Variants in RXRA observed in about 807,000 individuals in gnomAD.
RXRA encodes retinoid X receptor alpha.
RXRA carries 5 observed loss-of-function variants against 44.5 expected under a neutral mutation model. The observed-to-expected ratio is 0.11, with a 90% CI of 0.06 to 0.24. The LOEUF is 0.24. Among genes scored for constraint, RXRA ranks in the 10% least tolerant of loss-of-function variants. The pLI is 1.00. For synonymous variants in RXRA, 291 were observed against 271.4 expected, an observed-to-expected ratio of 1.07 and a Z score of -0.71; for missense variants, 412 against 646.5, an observed-to-expected ratio of 0.64 and a Z score of 3.93.
chr9:134,327,656 T>G (rs1330284453), intron 1 of RXRA, among the ~76,000 whole-genome samples: 1 of 152,156 alleles, frequency 6.6e-6, no homozygotes, highest in Non-Finnish European at 1.5e-5. Flanking sequence ...CCACCCTCCC[T>G]GCAGCCTGGG....
At chr9:134,391,896 G>C (rs901755406) in intron 1 of RXRA, among the ~76,000 whole-genome samples, 51 of 152,230 alleles carry the variant, frequency 3.4e-4, no homozygotes, top group African/African-American at 1.1e-3. Context: ...CTGCAGGACG[G>C]GGGCAGGAGG....
intron 1 of RXRA, among the ~76,000 whole-genome samples, chr9:134,367,429 G>C (rs1830428072): frequency 6.6e-6 from 1 of 152,206 alleles, no homozygotes; most frequent in South Asian, 2.1e-4. Context: ...GTCTGCCTTG[G>C]GTTTCTCTTG....
At chr9:134,422,436 C>T in intron 6 of RXRA, 2 of 1,272,544 alleles carry the variant, frequency 1.6e-6, no homozygotes, top group Non-Finnish European at 2.0e-6. Context: ...ACGCTCCCCT[C>T]TCCCTAGACA....
chr9:134,440,103 ATC>A lies in RXRA; in HGVS notation c.*3491_*3492del, dbSNP rs900618187. Reference sequence around the variant, plus strand: ...GCATCTGGAAAGGTAAAAAAAAAAAATCTATTTTTGTACAAATGTAATTTTAT... The same window carrying A: ...GCATCTGGAAAGGTAAAAAAAAAAAATATTTTTGTACAAATGTAATTTTAT... On this transcript the variant is annotated 3_prime_UTR_variant, in exon 10 of 10. Coordinates refer to ENST00000481739, the MANE Select transcript of RXRA (RefSeq NM_002957.6). 11 of 152,224 alleles carry A rather than the reference ATC, an allele frequency of 7.2e-5. No homozygotes were observed. Among genetic ancestry groups the A allele is most frequent in the Non-Finnish European group, 1.3e-4 (9 of 68,022 alleles). 9.4% of individuals were successfully genotyped at this position (152,224 alleles called of 1,614,324 possible).
intron 1 of RXRA, among the ~76,000 whole-genome samples, chr9:134,397,135 A>G (rs1004690165): frequency 3.3e-5 from 5 of 152,088 alleles, no homozygotes; most frequent in African/African-American, 9.7e-5. Flanking sequence ...TCTGGAGGGA[A>G]CTGTGCAGCT....
chr9:134,341,997 A>G (rs953538502), intron 1 of RXRA, among the ~76,000 whole-genome samples: 1 of 152,064 alleles, frequency 6.6e-6, no homozygotes, highest in Admixed American at 6.5e-5. Flanking sequence ...GTGAAGCCCA[A>G]CCCTGGGGGT....
At position 134,434,439 on chromosome 9, in the gene RXRA, C is replaced by T. The variant is rs554829061; in HGVS notation, c.1241+232C>T. ...ACTGGAAGGATTACCTTGCACCTGGCGCATAGTAGGTGCTTCTCTTTGTTC... is the reference window on the plus strand; with the variant it reads ...ACTGGAAGGATTACCTTGCACCTGGTGCATAGTAGGTGCTTCTCTTTGTTC... On this transcript the variant is annotated intron_variant, in intron 9 of 9. Coordinates refer to ENST00000481739, the MANE Select transcript of RXRA (RefSeq NM_002957.6). Among the ~76,000 whole-genome samples the T allele has an allele frequency of 3.8e-4, 58 of 152,234 alleles. No homozygotes were observed. The East Asian group carries it at 9.5e-3, about 25-fold the overall frequency.
chr9:134,410,944 A>T (rs1831138858), intron 4 of RXRA, among the ~76,000 whole-genome samples: 1 of 152,194 alleles, frequency 6.6e-6, no homozygotes. Context: ...CCCAGGGGGC[A>T]GCCAGTGCAG....
intron 1 of RXRA, among the ~76,000 whole-genome samples, chr9:134,382,238 G>A (rs898979204): frequency 1.3e-5 from 2 of 152,060 alleles, no homozygotes; most frequent in Non-Finnish European, 2.9e-5. Flanking sequence ...GTGGCCGGCC[G>A]CATGTGGGGA....
intron 1 of RXRA, among the ~76,000 whole-genome samples, chr9:134,357,888 C>T (rs1193753641): frequency 6.6e-6 from 1 of 152,228 alleles, no homozygotes; most frequent in Non-Finnish European, 1.5e-5. Flanking sequence ...GCCATGGGGG[C>T]AGTCTACAGC....
chr9:134,339,137 C>T (rs1830050884), intron 1 of RXRA, among the ~76,000 whole-genome samples: 1 of 152,236 alleles, frequency 6.6e-6, no homozygotes, highest in Non-Finnish European at 1.5e-5. Flanking sequence ...GGGCTCAGGG[C>T]CCTGCCTCCC....
At chr9:134,383,054 T>C (rs1830669427) in intron 1 of RXRA, among the ~76,000 whole-genome samples, 1 of 152,160 alleles carries the variant, frequency 6.6e-6, no homozygotes, top group African/African-American at 2.4e-5. Context: ...CTGTGGGTGA[T>C]TGGGCAGATG....
In RXRA at chr9:134,426,460, AGGGACAG is replaced by A. The variant is rs1316679844; in HGVS notation, c.911-2636_911-2630del. The A allele has an allele frequency of 1.0e-6, 1 of 985,264 alleles. No homozygotes were observed. The highest frequency in any genetic ancestry group is 1.2e-6 in the Non-Finnish European group (1 of 829,924). The allele number at this position is 985,264 out of a possible 1,614,324, so 61.0% of individuals were successfully genotyped here. ...TAACCGAGTGAGGACATCGGGGTGG[AGGGACAG>A]GGGACAGGGGAGCTGAGATGCAGCC... On this transcript the variant is annotated intron_variant, in intron 6 of 9. Coordinates refer to ENST00000481739, the MANE Select transcript of RXRA (RefSeq NM_002957.6). This position sits in a 1 kb window ranked among gnomAD's most constrained non-coding sequence, Gnocchi z 4.6.
intron 7 of RXRA, among the ~76,000 whole-genome samples, chr9:134,430,901 C>T (rs962691982): frequency 3.3e-5 from 5 of 152,214 alleles, no homozygotes; most frequent in African/African-American, 9.7e-5. Context: ...CCCTCAGTGG[C>T]CCAGGTCTTT....
chr9:134,391,628 C>T (rs918183401), intron 1 of RXRA, among the ~76,000 whole-genome samples: 3 of 152,170 alleles, frequency 2.0e-5, no homozygotes, highest in African/African-American at 7.2e-5. Flanking sequence ...GGAGGCTGCG[C>T]TGCCCAGGAG....
At position 134,434,152 on chromosome 9, in the gene RXRA, G is replaced by A; in HGVS notation, c.1186G>A (p.Val396Ile). ...CGAGGTGGAGGCGCTGAGGGAGAAG[G>A]TCTATGCGTCCTTGGAGGCCTACTG... ...PAEVEALREK[V>I]YASLEAYCKH... Residue 396 changes from valine (V) to isoleucine (I), a missense_variant, in exon 9 of 10, where the codon GTC (valine) becomes ATC (isoleucine). Transcript: ENST00000481739. 3.1e-6 allele frequency: 5 copies of A among 1,613,810 alleles called. No homozygotes were observed. The highest frequency in any genetic ancestry group is 2.2e-5 in the South Asian group (2 of 91,076).
In RXRA at chr9:134,437,514, C is replaced by T. The variant is rs1421630708; in HGVS notation, c.*900C>T. 6.6e-6 allele frequency: 1 copy of T among 152,392 alleles called. No homozygotes were observed. Among genetic ancestry groups the T allele is most frequent in the Non-Finnish European group, 1.5e-5 (1 of 68,196 alleles). 9.4% of individuals were successfully genotyped at this position (152,392 alleles called of 1,614,324 possible). On this transcript the variant is annotated 3_prime_UTR_variant, in exon 10 of 10. Coordinates refer to ENST00000481739, the MANE Select transcript of RXRA (RefSeq NM_002957.6). The stretch of plus-strand genomic sequence containing the variant: ...CTGGCTCGGGCAGGGTGGGGCATCA[C>T]CACCTCACTGGCCTTGCTGGAGGCA...
At chr9:134,362,893 C>G (rs1830369588) in intron 1 of RXRA, among the ~76,000 whole-genome samples, 1 of 152,274 alleles carries the variant, frequency 6.6e-6, no homozygotes, top group South Asian at 2.1e-4. Context: ...ACCAGCCTCA[C>G]TCCCACAGCG....
At chr9:134,425,993 C>T in intron 6 of RXRA, 1 of 985,350 alleles carries the variant, frequency 1.0e-6, no homozygotes, top group Non-Finnish European at 1.2e-6. Flanking sequence ...TGACTCTGTG[C>T]TGTTCCTTCC....
Sources: allele counts gnomAD v4.1 joint callset (sites outside exome capture counted in the v4.1 genomes callset), GRCh38; gene constraint gnomAD v4.1.1; non-coding constraint Gnocchi (gnomAD v3.1); transcripts MANE v1.5; gene names NCBI Gene and HGNC (gene_info 2026-07-23, HGNC 2026-07-21).